LAMA3: variants seen among roughly 807,000 people sequenced by gnomAD.
LAMA3 encodes the protein laminin subunit alpha-3.
A neutral mutation model predicts 402.0 loss-of-function variants in LAMA3; 281 were observed. The ratio of observed to expected loss-of-function variants is 0.70; its 90% CI spans 0.63 to 0.77. LAMA3 has a LOEUF of 0.77. LAMA3 is among the 30% of genes least tolerant of loss of function. The pLI is 0.00. For synonymous variants in LAMA3, 1,431 were observed against 1,558.4 expected (o/e 0.92, Z 1.93); for missense variants, 3,840 against 4,215.5 (o/e 0.91, Z 2.47).
At chr18:23,850,045 T>C (rs553836307) in intron 32 of LAMA3, among the ~76,000 whole-genome samples, 1 of 152,336 alleles carries the variant, frequency 6.6e-6, no homozygotes, top group Non-Finnish European at 1.5e-5. Context: ...AAACTATTTT[T>C]TTCCTCCTTA....
intron 2 of LAMA3, among the ~76,000 whole-genome samples, chr18:23,724,510 AGCTTCT>A (rs199737000): frequency 0.018 from 2,737 of 152,108 alleles, 271 homozygotes; most frequent in Admixed American, 0.16. Flanking sequence ...CCCTGATATG[AGCTTCT>A]GACTGTTTTG....
At chr18:23,898,023 A>T (rs992374737) in intron 44 of LAMA3, among the ~76,000 whole-genome samples, 2 of 152,198 alleles carry the variant, frequency 1.3e-5, no homozygotes, top group African/African-American at 4.8e-5. Context: ...TGACATACAT[A>T]TTGAGGTAAT....
Position 23,954,737 on chromosome 18 carries a change from C to A in LAMA3, c.*89C>A, listed in dbSNP as rs1051149. The A allele has an allele frequency of 0.61, 828,443 of 1,367,508 alleles. 266,021 individuals are homozygous for A. The highest frequency in any genetic ancestry group is 0.68 in the Non-Finnish European group (648,509 of 958,878). The allele number at this position is 1,367,508 out of a possible 1,614,324, so 84.7% of individuals were successfully genotyped here. ...CTCCCCAGCTCGAGATCATTCTTCA[C>A]TCAGGACACAAACCAGACAGGTTTA... On this transcript the variant is annotated 3_prime_UTR_variant, in exon 75 of 75. Transcript: ENST00000313654.
chr18:23,914,143 G>A (rs1207251894), intron 56 of LAMA3, among the ~76,000 whole-genome samples: 1 of 152,198 alleles, frequency 6.6e-6, no homozygotes, highest in Admixed American at 6.5e-5. Flanking sequence ...TGGGCCCTCT[G>A]TATGGTAGGT....
chr18:23,821,988 G>C (rs1004498419), intron 19 of LAMA3, among the ~76,000 whole-genome samples: 3 of 152,200 alleles, frequency 2.0e-5, no homozygotes, highest in Non-Finnish European at 4.4e-5. Flanking sequence ...TTACAAAAAG[G>C]TCAAAAGAGG....
intron 24 of LAMA3, 39 bp downstream of exon 24, chr18:23,834,027 C>A (rs771626878): frequency 1.4e-5 from 22 of 1,610,534 alleles, no homozygotes; most frequent in Admixed American, 5.0e-5. Flanking sequence ...TGTAAAGGAA[C>A]AATTAGGAAA....
intron 1 of LAMA3, among the ~76,000 whole-genome samples, chr18:23,705,423 C>T (rs1293710088): frequency 6.7e-6 from 1 of 148,606 alleles, no homozygotes; most frequent in Non-Finnish European, 1.5e-5. Flanking sequence ...GGGAAGAGAC[C>T]CAGCTCGGGA....
chr18:23,754,124 T>C (rs1397933864), intron 6 of LAMA3, among the ~76,000 whole-genome samples: 1 of 152,164 alleles, frequency 6.6e-6, no homozygotes, highest in Admixed American at 6.5e-5. Flanking sequence ...GAAATAAAAC[T>C]TGTCATTCCT....
At chr18:23,844,311 T>G (rs1346060102) in intron 29 of LAMA3, among the ~76,000 whole-genome samples, 1 of 152,246 alleles carries the variant, frequency 6.6e-6, no homozygotes, top group Non-Finnish European at 1.5e-5. Context: ...GTACCAAGTA[T>G]GATGAAAGCT....
intron 2 of LAMA3, among the ~76,000 whole-genome samples, chr18:23,715,700 A>G (rs917110770): frequency 3.3e-5 from 5 of 152,218 alleles, no homozygotes; most frequent in Non-Finnish European, 7.3e-5. Flanking sequence ...GAACATTTTC[A>G]TAACTGAGTT....
chr18:23,884,299 G>A (rs190892396), intron 40 of LAMA3, among the ~76,000 whole-genome samples: 232 of 152,220 alleles, frequency 1.5e-3, no homozygotes, highest in Non-Finnish European at 2.5e-3. Context: ...ATCTTTAGGG[G>A]GCTCCAGGGC....
intron 2 of LAMA3, among the ~76,000 whole-genome samples, chr18:23,729,776 G>T (rs1042606076): frequency 2.0e-5 from 3 of 152,244 alleles, no homozygotes; most frequent in Non-Finnish European, 4.4e-5. Flanking sequence ...GAAGCCCAGA[G>T]ATGTTTCATA....
Position 23,845,057 on chromosome 18 carries a change from C to T in LAMA3, c.3652C>T (p.His1218Tyr). 6.2e-7 allele frequency: 1 copy of T among 1,613,278 alleles called. No individual in the cohort carries two copies. Among genetic ancestry groups the T allele is most frequent in the Non-Finnish European group, 8.5e-7 (1 of 1,179,260 alleles). ...AGAAAACTATGACTACCAAATACTT[C>T]ACAAAAAATCCATGGACAAGTCACT... Reference protein sequence around the residue: ...PAENYDYQILHKKSMDKSLEF... With the variant: ...PAENYDYQILYKKSMDKSLEF... The change falls in exon 30 of 75, where the codon CAC becomes TAC. Residue 1218 changes from histidine to tyrosine, a missense_variant. Around this residue, in one of 3 missense-constraint regions of LAMA3, gnomAD observed 2,109 missense variants for 2,376.0 expected, o/e 0.89. Coordinates refer to ENST00000313654, the MANE Select transcript of LAMA3 (RefSeq NM_198129.4).
At chr18:23,783,882 G>A in intron 11 of LAMA3, 141 bp from the exon 12 acceptor site, 6 of 1,128,052 alleles carry the variant, frequency 5.3e-6, no homozygotes, top group Non-Finnish European at 8.0e-6. Flanking sequence ...TCAACGCAGT[G>A]TAGTCTTCTG....
intron 10 of LAMA3, 60 bp downstream of exon 10, chr18:23,775,983 A>T: frequency 6.3e-7 from 1 of 1,588,616 alleles, no homozygotes; most frequent in Non-Finnish European, 8.6e-7. Flanking sequence ...GCTTTTGTGC[A>T]CTAACCTCTG....
At chr18:23,701,521 T>A (rs1268073566) in intron 1 of LAMA3, among the ~76,000 whole-genome samples, 1 of 152,210 alleles carries the variant, frequency 6.6e-6, no homozygotes, top group Non-Finnish European at 1.5e-5. Context: ...GGTTAAAAAC[T>A]TCTGAGTAAC....
Position 23,689,799 on chromosome 18 carries a change from C to T in LAMA3, c.116C>T (p.Pro39Leu). Residue 39 changes from proline (P) to leucine (L), a missense_variant, in exon 1 of 75, where the codon CCC becomes CTC. Pro to Leu is a moderately conservative substitution (Grantham distance 98). Transcript: ENST00000313654. Reference sequence around the variant, plus strand: ...GCCTGCGGGGCGACCGCTCGGGATCCCGGGGCCGCGGCCGGGCTCAGCCTT... The same window carrying T: ...GCCTGCGGGGCGACCGCTCGGGATCTCGGGGCCGCGGCCGGGCTCAGCCTT... ...LPACGATARDPGAAAGLSLHP... is the reference protein window; with the variant it reads ...LPACGATARDLGAAAGLSLHP... The T allele has an allele frequency of 6.5e-7, 1 of 1,537,146 alleles. No homozygotes were observed. The highest frequency in any genetic ancestry group is 2.6e-5 in the East Asian group (1 of 39,176).
At chr18:23,791,734 T>TAAAAA (rs11348422) in intron 12 of LAMA3, among the ~76,000 whole-genome samples, 1 of 89,690 alleles carries the variant, frequency 1.1e-5, no homozygotes, top group Admixed American at 1.3e-4. Flanking sequence ...AGAATTTGTC[T>TAAAAA]AAAAAAAAAA....
intron 33 of LAMA3, 82 bp downstream of exon 33, chr18:23,858,070 G>T (rs2064127572): frequency 3.9e-6 from 6 of 1,524,288 alleles, no homozygotes; most frequent in Non-Finnish European, 4.5e-6. Flanking sequence ...AGAAAAGTAT[G>T]TGGGAAATGG....
Sources: allele counts gnomAD v4.1 joint callset (sites outside exome capture counted in the v4.1 genomes callset), GRCh38; gene constraint gnomAD v4.1.1; regional missense constraint gnomAD v4.1.1; transcripts MANE v1.5; gene names NCBI Gene and HGNC (gene_info 2026-07-23, HGNC 2026-07-21).